MAGI2: variants seen among roughly 807,000 people sequenced by gnomAD.
The protein encoded by MAGI2 is membrane associated guanylate kinase, WW and PDZ domain containing 2.
MAGI2 carries 35 observed loss-of-function variants against 133.3 expected under a neutral mutation model. The observed-to-expected ratio is 0.26, with a 90% CI of 0.20 to 0.35. The LOEUF is 0.35. Among genes scored for constraint, MAGI2 ranks in the 10% least tolerant of loss-of-function variants. MAGI2 has a pLI of 1.00. For synonymous variants in MAGI2, 729 were observed against 710.6 expected (o/e 1.03, Z -0.41); for missense variants, 1,636 against 1,863.4 (o/e 0.88, Z 2.25).
At chr7:78,463,533 T>C (rs950239931) in intron 6 of MAGI2, among the ~76,000 whole-genome samples, 1 of 152,206 alleles carries the variant, frequency 6.6e-6, no homozygotes, top group African/African-American at 2.4e-5. Context: ...AATAAAAATA[T>C]GTATTAATTG....
At chr7:78,210,829 G>T (rs1015265849) in intron 10 of MAGI2, among the ~76,000 whole-genome samples, 55 of 152,324 alleles carry the variant, frequency 3.6e-4, no homozygotes, top group Admixed American at 5.2e-4. Flanking sequence ...TTATTGGTTT[G>T]TCAGAGAGGA....
intron 1 of MAGI2, among the ~76,000 whole-genome samples, chr7:79,129,099 G>C (rs1175023963): frequency 6.6e-6 from 1 of 152,056 alleles, no homozygotes; most frequent in Non-Finnish European, 1.5e-5. Context: ...TCGAACTCCT[G>C]ACCTCAAGTG....
intron 3 of MAGI2, among the ~76,000 whole-genome samples, chr7:78,571,118 T>C (rs1291276639): frequency 6.6e-6 from 1 of 152,216 alleles, no homozygotes; most frequent in African/African-American, 2.4e-5. Flanking sequence ...TTAGTTTAAA[T>C]AAACTTGTTT....
intron 4 of MAGI2, among the ~76,000 whole-genome samples, chr7:78,514,851 T>G (rs1795906999): frequency 6.6e-6 from 1 of 152,138 alleles, no homozygotes; most frequent in Non-Finnish European, 1.5e-5. Context: ...GGTGATCACA[T>G]AAGGGACACT....
At chr7:78,624,547 C>A (rs1412170889) in intron 3 of MAGI2, among the ~76,000 whole-genome samples, 1 of 152,060 alleles carries the variant, frequency 6.6e-6, no homozygotes, top group Non-Finnish European at 1.5e-5. Flanking sequence ...AATGCAGGAA[C>A]AGAAAACCCA....
At chr7:79,401,055 T>C (rs1050603085) in intron 1 of MAGI2, among the ~76,000 whole-genome samples, 1 of 152,168 alleles carries the variant, frequency 6.6e-6, no homozygotes, top group Non-Finnish European at 1.5e-5. Context: ...GATATTTTTA[T>C]TATATTTAAG....
chr7:78,900,674 A>G (rs1797557673), intron 2 of MAGI2, among the ~76,000 whole-genome samples: 1 of 152,144 alleles, frequency 6.6e-6, no homozygotes, highest in Admixed American at 6.5e-5. Context: ...TCATTCGTTT[A>G]TGAAACTCTA....
intron 6 of MAGI2, among the ~76,000 whole-genome samples, chr7:78,415,303 T>C (rs958964762): frequency 2.0e-5 from 3 of 152,092 alleles, no homozygotes; most frequent in Non-Finnish European, 2.9e-5. Flanking sequence ...TGCACTGCTG[T>C]GTAGAGCACT....
intron 1 of MAGI2, among the ~76,000 whole-genome samples, chr7:79,154,317 C>A (rs991645566): frequency 6.6e-6 from 1 of 152,168 alleles, no homozygotes; most frequent in Non-Finnish European, 1.5e-5. Context: ...ACCTAAAATA[C>A]CAACTTTGCT....
At chr7:78,208,618 T>A (rs1225088800) in intron 10 of MAGI2, among the ~76,000 whole-genome samples, 1 of 151,404 alleles carries the variant, frequency 6.6e-6, no homozygotes, top group Non-Finnish European at 1.5e-5. Flanking sequence ...GCAAAGAAAA[T>A]GTGGAAGGCA....
chr7:78,354,644 C>T (rs1791874083), intron 7 of MAGI2, among the ~76,000 whole-genome samples: 1 of 152,030 alleles, frequency 6.6e-6, no homozygotes, highest in Non-Finnish European at 1.5e-5. Context: ...GAGAAAAATA[C>T]TGAAAAAGTA....
chr7:79,338,926 G>T (rs905257875), intron 1 of MAGI2, among the ~76,000 whole-genome samples: 2 of 152,088 alleles, frequency 1.3e-5, no homozygotes, highest in African/African-American at 2.4e-5. Context: ...AAAAGAAATT[G>T]ATTCTACAGC....
chr7:78,698,968 A>G (rs1222155771), intron 2 of MAGI2, among the ~76,000 whole-genome samples: 3 of 152,212 alleles, frequency 2.0e-5, no homozygotes, highest in Non-Finnish European at 4.4e-5. Flanking sequence ...ACAGTATATA[A>G]CTTTAACTTT....
At chr7:79,202,424 T>C (rs1301616838) in intron 1 of MAGI2, among the ~76,000 whole-genome samples, 1 of 151,860 alleles carries the variant, frequency 6.6e-6, no homozygotes, top group African/African-American at 2.4e-5. Context: ...AATAGGGCTG[T>C]TATTTTTAGT....
chr7:78,987,201 T>C (rs908516500), intron 2 of MAGI2, among the ~76,000 whole-genome samples: 1 of 152,062 alleles, frequency 6.6e-6, no homozygotes, highest in Non-Finnish European at 1.5e-5. Flanking sequence ...AAATTTACAC[T>C]GCTTCATGAC....
chr7:78,566,186 T>C (rs886423251), intron 3 of MAGI2, among the ~76,000 whole-genome samples: 1 of 151,970 alleles, frequency 6.6e-6, no homozygotes, highest in Non-Finnish European at 1.5e-5. Context: ...AGCAAAGGCA[T>C]GGAGTTGGGA....
intron 1 of MAGI2, among the ~76,000 whole-genome samples, chr7:79,103,669 G>T (rs892100472): frequency 1.3e-5 from 2 of 151,670 alleles, no homozygotes; most frequent in African/African-American, 2.4e-5. Context: ...TAGAAAGCTG[G>T]CAGCATTTTA....
chr7:79,051,137 A>G (rs551336739), intron 1 of MAGI2, among the ~76,000 whole-genome samples: 12 of 152,212 alleles, frequency 7.9e-5, no homozygotes, highest in Non-Finnish European at 1.3e-4. Flanking sequence ...CCCTCACTCT[A>G]GATAAAACAT....
intron 2 of MAGI2, among the ~76,000 whole-genome samples, chr7:78,768,872 C>T (rs1447568141): frequency 6.6e-6 from 1 of 152,170 alleles, no homozygotes; most frequent in Non-Finnish European, 1.5e-5. Context: ...TTTAAACCTG[C>T]TCTGTAGTCA....
Sources: gnomAD v4.1 joint callset for allele counts (sites outside exome capture counted in the v4.1 genomes callset) on GRCh38, gnomAD v4.1.1 for gene constraint, MANE v1.5 for transcripts, NCBI Gene and HGNC (gene_info 2026-07-23, HGNC 2026-07-21) for gene names.